Variants in PTPN9 observed in about 807,000 individuals in gnomAD.
PTPN9 encodes tyrosine-protein phosphatase non-receptor type 9.
PTPN9 carries 26 observed loss-of-function variants against 69.8 expected under a neutral mutation model. The ratio of observed to expected loss-of-function variants is 0.37; its 90% confidence interval spans 0.27 to 0.52. The LOEUF is 0.52. PTPN9 is among the 20% of genes least tolerant of loss of function. The probability of loss-of-function intolerance (pLI) is 0.91; values close to 1 mark genes in which losing one functional copy is unlikely to be tolerated. For synonymous variants in PTPN9, 274 were observed against 272.5 expected (o/e 1.01, Z -0.05); for missense variants, 549 against 740.3 (o/e 0.74, Z 3.00).
chr15:75,473,215 T>C (rs2074577900), intron 10 of PTPN9, among the ~76,000 whole-genome samples: 1 of 152,084 alleles, frequency 6.6e-6, no homozygotes, highest in South Asian at 2.1e-4. Context: ...CTAAGAGATA[T>C]CTCAAAATCT....
chr15:75,547,162 G>A (rs1204554175), intron 1 of PTPN9, among the ~76,000 whole-genome samples: 1 of 151,900 alleles, frequency 6.6e-6, no homozygotes, highest in Non-Finnish European at 1.5e-5. Context: ...AGATGTGGTG[G>A]TGTGCACCTG....
At chr15:75,530,495 T>TA (rs1337060892) in intron 1 of PTPN9, among the ~76,000 whole-genome samples, 1 of 90,944 alleles carries the variant, frequency 1.1e-5, no homozygotes, top group African/African-American at 4.5e-5. Flanking sequence ...TATTATAATA[T>TA]ATTATATTAT....
In PTPN9 at chr15:75,537,753, C is replaced by CAAAAAAAAAAAAAAAAAA. The variant is rs1164644727; in HGVS notation, c.64-10510_64-10493dup. Among the ~76,000 whole-genome samples, 22 of 11,388 alleles carry CAAAAAAAAAAAAAAAAAA rather than the reference C, an allele frequency of 1.9e-3. 3 individuals carry two copies. The highest frequency in any genetic ancestry group is 5.0e-3 in the African/African-American group (11 of 2,196). The allele number at this position is 11,388 out of a possible 152,430, so 7.5% of individuals were successfully genotyped here. ...AGGGCAACAGAGGGAGACTCCATCT[C>CAAAAAAAAAAAAAAAAAA]AAAAAAAAAAAAAAAAAAAAAAAGG... On this transcript the variant is annotated intron_variant, in intron 1 of 12. Transcript: ENST00000618819.
At chr15:75,500,434 G>A (rs2074766684) in intron 7 of PTPN9, among the ~76,000 whole-genome samples, 1 of 152,080 alleles carries the variant, frequency 6.6e-6, no homozygotes. Flanking sequence ...ATCTACTTGG[G>A]AGACTAAGGC....
chr15:75,492,222 C>T (rs2074714971), intron 7 of PTPN9, among the ~76,000 whole-genome samples: 1 of 152,116 alleles, frequency 6.6e-6, no homozygotes, highest in African/African-American at 2.4e-5. Flanking sequence ...TGACTGCACT[C>T]CATTCATCCA....
At chr15:75,563,968 G>C (rs981612603) in intron 1 of PTPN9, among the ~76,000 whole-genome samples, 3 of 152,116 alleles carry the variant, frequency 2.0e-5, no homozygotes, top group African/African-American at 7.2e-5. Flanking sequence ...AAATAACACT[G>C]TGTGGTGATT....
intron 1 of PTPN9, among the ~76,000 whole-genome samples, chr15:75,539,927 C>G (rs2075001290): frequency 6.6e-6 from 1 of 152,068 alleles, no homozygotes; most frequent in Admixed American, 6.6e-5. Flanking sequence ...TCAAGCAACT[C>G]CCCTGACCTC....
At chr15:75,480,010 A>G (rs2074619475) in intron 8 of PTPN9, 96 bp from the exon 9 acceptor site, 3 of 809,168 alleles carry the variant, frequency 3.7e-6, no homozygotes, top group Non-Finnish European at 5.8e-6. Flanking sequence ...AGGTGTGAAT[A>G]TTCTCTTCTT....
chr15:75,543,461 C>A (rs1044842816), intron 1 of PTPN9, among the ~76,000 whole-genome samples: 1 of 152,206 alleles, frequency 6.6e-6, no homozygotes, highest in Non-Finnish European at 1.5e-5. Flanking sequence ...AGCACTGAAT[C>A]CAAGTCTTTT....
intron 2 of PTPN9, among the ~76,000 whole-genome samples, chr15:75,524,592 A>C (rs2074919197): frequency 6.6e-6 from 1 of 152,096 alleles, no homozygotes; most frequent in Admixed American, 6.6e-5. Context: ...AGCCTGGCCA[A>C]CATGGTGAAA....
At position 75,499,399 on chromosome 15, in the gene PTPN9, C is replaced by CTTTT. The variant is rs71440245; in HGVS notation, c.968+6272_968+6275dup. On this transcript the variant is annotated intron_variant, in intron 7 of 12. Coordinates refer to ENST00000618819, the MANE Select transcript of PTPN9 (RefSeq NM_002833.4). Reference sequence around the variant, plus strand: ...ATGGCAACAAGACGATCTAAACCCACTTTTTTTTTTTTTTTTTTTTTTTTG... The same window carrying CTTTT: ...ATGGCAACAAGACGATCTAAACCCACTTTTTTTTTTTTTTTTTTTTTTTTTTTTG... Among the ~76,000 whole-genome samples, 472 of 84,486 alleles carry CTTTT rather than the reference C, an allele frequency of 5.6e-3. 9 individuals are homozygous for CTTTT. Among genetic ancestry groups the CTTTT allele is most frequent in the African/African-American group, 9.7e-3 (192 of 19,882 alleles). The allele number at this position is 84,486 out of a possible 152,430, so 55.4% of individuals were successfully genotyped here.
At chr15:75,475,208 C>T (rs1231900935) in intron 9 of PTPN9, among the ~76,000 whole-genome samples, 2 of 152,134 alleles carry the variant, frequency 1.3e-5, no homozygotes, top group East Asian at 3.9e-4. Flanking sequence ...TTCTCCTTTG[C>T]ACAGGGCTGA....
chr15:75,481,867 C>CG (rs1427484678), intron 8 of PTPN9, among the ~76,000 whole-genome samples: 97 of 143,506 alleles, frequency 6.8e-4, no homozygotes, highest in African/African-American at 2.3e-3. Flanking sequence ...CCAGCCGCCC[C>CG]TCCGGGAGGT....
intron 8 of PTPN9, among the ~76,000 whole-genome samples, chr15:75,485,407 G>A (rs1369128871): frequency 1.4e-5 from 2 of 140,966 alleles, no homozygotes; most frequent in Admixed American, 1.5e-4. Context: ...TGTTGCCCAG[G>A]CCGGACTGCG....
At chr15:75,522,494 A>G (rs1216391874) in intron 4 of PTPN9, among the ~76,000 whole-genome samples, 2 of 151,452 alleles carry the variant, frequency 1.3e-5, no homozygotes, top group Non-Finnish European at 2.9e-5. Flanking sequence ...GGCTCAAGTG[A>G]TCCTCCCACC....
intron 1 of PTPN9, among the ~76,000 whole-genome samples, chr15:75,564,316 C>T (rs2075117359): frequency 6.6e-6 from 1 of 152,074 alleles, no homozygotes; most frequent in African/African-American, 2.4e-5. Flanking sequence ...CCACATTGGC[C>T]AGGTGCGGTG....
intron 1 of PTPN9, among the ~76,000 whole-genome samples, chr15:75,569,970 G>A (rs901879225): frequency 4.0e-5 from 6 of 151,586 alleles, no homozygotes; most frequent in Non-Finnish European, 7.4e-5. Flanking sequence ...ACAGGTGAGC[G>A]CCACCACTCC....
intron 6 of PTPN9, among the ~76,000 whole-genome samples, chr15:75,507,446 CAA>C (rs762520293): frequency 6.3e-4 from 56 of 89,126 alleles, no homozygotes; most frequent in Admixed American, 1.9e-3. Flanking sequence ...AACTCTGTCG[CAA>C]AAAAAAAAAA....
chr15:75,539,226 C>T (rs10400853), intron 1 of PTPN9, among the ~76,000 whole-genome samples: 1 of 151,834 alleles, frequency 6.6e-6, no homozygotes, highest in Non-Finnish European at 1.5e-5. Context: ...GGATTATAGG[C>T]GTGAGCCACT....
Sources: allele counts gnomAD v4.1 joint callset (sites outside exome capture counted in the v4.1 genomes callset), GRCh38; gene constraint gnomAD v4.1.1; transcripts MANE v1.5; gene names NCBI Gene and HGNC (gene_info 2026-07-23, HGNC 2026-07-21).